The following EEFSEC variants were observed in gnomAD, a reference collection of about 807,000 sequenced individuals.
EEFSEC encodes the protein selenocysteine-specific elongation factor.
In EEFSEC, 43 loss-of-function variants were observed where a neutral mutation model predicts 42.1. The ratio of observed to expected loss-of-function variants is 1.02; its 90% confidence interval spans 0.80 to 1.32. The LOEUF is 1.32. Among genes scored for constraint, EEFSEC ranks in the 40% most tolerant of loss-of-function variants. The probability of loss-of-function intolerance (pLI) is 0.00; values close to 1 mark genes in which losing one functional copy is unlikely to be tolerated. For missense variants in EEFSEC, 745 were observed against 803.6 expected (o/e 0.93, Z 0.88); for synonymous variants, 354 against 339.1 (o/e 1.04, Z -0.48).
At chr3:128,311,268 C>T (rs1054491910) in intron 4 of EEFSEC, among the ~76,000 whole-genome samples, 2 of 152,234 alleles carry the variant, frequency 1.3e-5, no homozygotes, top group African/African-American at 4.8e-5. Context: ...ACTAATTCTC[C>T]TTTCACAGCA....
intron 3 of EEFSEC, among the ~76,000 whole-genome samples, chr3:128,263,609 C>A (rs889981021): frequency 6.6e-6 from 1 of 152,162 alleles, no homozygotes; most frequent in African/African-American, 2.4e-5. Context: ...AATCTCAGAC[C>A]AAGCCTGTTT....
intron 2 of EEFSEC, among the ~76,000 whole-genome samples, chr3:128,247,738 G>A (rs2066142698): frequency 6.6e-6 from 1 of 152,164 alleles, no homozygotes; most frequent in Non-Finnish European, 1.5e-5. Flanking sequence ...GAGATCACTG[G>A]CTGCAGGTGG....
At chr3:128,160,135 G>A (rs2065166158) in intron 1 of EEFSEC, among the ~76,000 whole-genome samples, 2 of 152,260 alleles carry the variant, frequency 1.3e-5, no homozygotes. Flanking sequence ...AAGGCAACTA[G>A]CTTAGGGCCT....
intron 1 of EEFSEC, among the ~76,000 whole-genome samples, chr3:128,172,024 C>G (rs1273881124): frequency 6.6e-6 from 1 of 152,088 alleles, no homozygotes; most frequent in Non-Finnish European, 1.5e-5. Context: ...CATTTTATAT[C>G]AGGGCCTTAA....
intron 6 of EEFSEC, among the ~76,000 whole-genome samples, chr3:128,393,231 G>A (rs533102003): frequency 6.6e-6 from 1 of 152,328 alleles, no homozygotes; most frequent in East Asian, 1.9e-4. Flanking sequence ...AGACAAGGAG[G>A]CTGAAGTTCA....
At chr3:128,204,765 G>GTCAGTGAGACCCTCCCGAGC (rs1374812517) in intron 1 of EEFSEC, among the ~76,000 whole-genome samples, 93 of 152,226 alleles carry the variant, frequency 6.1e-4, no homozygotes, top group African/African-American at 2.2e-3. Flanking sequence ...CAGTCTGTGC[G>GTCAGTGAGACCCTCCCGAGC]TCAGTGAGAC....
chr3:128,400,799 A>G (rs1468053082), intron 6 of EEFSEC, among the ~76,000 whole-genome samples: 1 of 152,222 alleles, frequency 6.6e-6, no homozygotes, highest in East Asian at 1.9e-4. Flanking sequence ...CTTGGGAAAC[A>G]GTTGTGCTTC....
chr3:128,194,734 T>C (rs886398281), intron 1 of EEFSEC, among the ~76,000 whole-genome samples: 5 of 152,128 alleles, frequency 3.3e-5, no homozygotes, highest in Non-Finnish European at 5.9e-5. Flanking sequence ...ATCCTACATA[T>C]GTTAAGTGAA....
chr3:128,426,203 G>A, the EEFSEC span, among the ~76,000 whole-genome samples: 1 of 152,340 alleles, frequency 6.6e-6, no homozygotes, highest in Non-Finnish European at 1.5e-5. Context: ...ATGGAAGTGC[G>A]CTGAACACCT....
At chr3:128,265,507 C>A (rs1368661783) in intron 4 of EEFSEC, among the ~76,000 whole-genome samples, 1 of 152,202 alleles carries the variant, frequency 6.6e-6, no homozygotes, top group Non-Finnish European at 1.5e-5. Context: ...TGACTGCCCT[C>A]CCCTTCAACA....
chr3:128,422,546 A>G, the EEFSEC span, among the ~76,000 whole-genome samples: 9 of 151,944 alleles, frequency 5.9e-5, no homozygotes, highest in Non-Finnish European at 1.2e-4. Context: ...CACAGGGGCC[A>G]GACCCTGAGA....
intron 4 of EEFSEC, among the ~76,000 whole-genome samples, chr3:128,289,735 A>T (rs761092993): frequency 6.6e-6 from 1 of 152,202 alleles, no homozygotes; most frequent in Non-Finnish European, 1.5e-5. Flanking sequence ...CCTTCCAGCC[A>T]TCTTTCTGCA....
chr3:128,266,130 G>A (rs1469428220), intron 4 of EEFSEC, among the ~76,000 whole-genome samples: 1 of 152,140 alleles, frequency 6.6e-6, no homozygotes, highest in African/African-American at 2.4e-5. Context: ...CTGATTGGAT[G>A]AAGCCCACCT....
At chr3:128,183,148 T>G (rs2065429484) in intron 1 of EEFSEC, among the ~76,000 whole-genome samples, 2 of 152,202 alleles carry the variant, frequency 1.3e-5, no homozygotes, top group South Asian at 4.1e-4. Flanking sequence ...TCAGAATACC[T>G]ACCTGTTAGA....
At chr3:128,253,409 C>G (rs2066208488) in intron 2 of EEFSEC, among the ~76,000 whole-genome samples, 2 of 152,142 alleles carry the variant, frequency 1.3e-5, no homozygotes, top group Non-Finnish European at 2.9e-5. Flanking sequence ...CTCCTGCAGA[C>G]CAGCCACTTA....
intron 4 of EEFSEC, among the ~76,000 whole-genome samples, chr3:128,273,680 G>T (rs1199756476): frequency 2.0e-5 from 3 of 152,232 alleles, no homozygotes; most frequent in Non-Finnish European, 4.4e-5. Flanking sequence ...GCCTGGACCT[G>T]TGACAGTGGG....
At chr3:128,200,309 A>G (rs950967503) in intron 1 of EEFSEC, among the ~76,000 whole-genome samples, 8 of 150,814 alleles carry the variant, frequency 5.3e-5, no homozygotes, top group African/African-American at 1.9e-4. Context: ...TTTTTTTGAG[A>G]TGGAGTTTTG....
intron 4 of EEFSEC, among the ~76,000 whole-genome samples, chr3:128,294,965 AG>A (rs1205568905): frequency 6.6e-6 from 1 of 152,186 alleles, no homozygotes. Context: ...CCTGTCAGGG[AG>A]GGCTGTCCCC....
intron 4 of EEFSEC, among the ~76,000 whole-genome samples, chr3:128,316,016 C>T (rs905668829): frequency 1.1e-4 from 17 of 152,124 alleles, no homozygotes; most frequent in Admixed American, 2.6e-4. Flanking sequence ...GCAAGTAGTA[C>T]GTGAAATATA....
Sources: allele counts gnomAD v4.1 joint callset (sites outside exome capture counted in the v4.1 genomes callset), GRCh38; gene constraint gnomAD v4.1.1; transcripts MANE v1.5; gene names NCBI Gene and HGNC (gene_info 2026-07-23, HGNC 2026-07-21).